MUL1: variants seen among roughly 807,000 people sequenced by gnomAD.
MUL1 encodes mitochondrial E3 ubiquitin protein ligase 1.
A neutral mutation model predicts 34.1 loss-of-function variants in MUL1; 30 were observed. The ratio of observed to expected loss-of-function variants is 0.88; its 90% CI spans 0.66 to 1.19. The LOEUF (loss-of-function observed/expected upper bound fraction) is 1.19. Among genes scored for constraint, MUL1 ranks in the 50% most tolerant of loss-of-function variants. The pLI is 0.00. For synonymous variants in MUL1, 191 were observed against 187.8 expected (o/e 1.02, Z -0.14); for missense variants, 419 against 450.5 (o/e 0.93, Z 0.63).
rs1355658871 is a variant in MUL1, at chr1:20,500,722, T to C, written c.1027A>G (p.Ile343Val). 5.0e-6 allele frequency: 8 copies of C among 1,598,332 alleles called. No homozygotes were observed. Among genetic ancestry groups the C allele is most frequent in the Non-Finnish European group, 6.8e-6 (8 of 1,171,454 alleles). Residue 343 changes from isoleucine (I) to valine (V), a missense_variant, in exon 4 of 4, where the codon ATC becomes GTC. By Grantham distance (29) the Ile-to-Val change is conservative. Transcript: ENST00000264198. Reference sequence around the variant, plus strand: ...TTGTACAGGGGTATCACCCGGGTGATCGCCTGTCTGCAGATAGGGCACTTC... The same window carrying C: ...TTGTACAGGGGTATCACCCGGGTGACCGCCTGTCTGCAGATAGGGCACTTC... The part of the protein sequence containing the change: ...PKKCPICRQA[I>V]TRVIPLYNS
chr1:20,499,597 G>A lies in MUL1; in HGVS notation c.*1093C>T, dbSNP rs1243745980. The A allele has an allele frequency of 6.6e-6, 1 of 152,234 alleles. No homozygotes were observed. The highest frequency in any genetic ancestry group is 1.5e-5 in the Non-Finnish European group (1 of 68,056). The allele number at this position is 152,234 out of a possible 1,614,324, so 9.4% of individuals were successfully genotyped here. On this transcript the variant is annotated 3_prime_UTR_variant, in exon 4 of 4. Coordinates refer to ENST00000264198, the MANE Select transcript of MUL1 (RefSeq NM_024544.3). Reference sequence around the variant, plus strand: ...AAAAGGGCAATAAAAAAAGAGCTGTGTATGTGACCTCCAACTACTCAGAGG... The same window carrying A: ...AAAAGGGCAATAAAAAAAGAGCTGTATATGTGACCTCCAACTACTCAGAGG...
rs373405347 is a variant in MUL1 at position 20,501,686 on chromosome 1, T to C, written c.330-267A>G. On this transcript the variant is annotated intron_variant, in intron 3 of 3. Transcript: ENST00000264198. The surrounding 1 kb of genome is among the most constrained non-coding windows in gnomAD (Gnocchi z 4.2). ...CTAAAACAAAACTCACTAGGACCAG[T>C]TGGAAAACTGATATTTCATATGATG... Among the ~76,000 whole-genome samples, 9 of 152,276 alleles carry C rather than the reference T, an allele frequency of 5.9e-5. No homozygotes were observed. Among genetic ancestry groups the C allele is most frequent in the African/African-American group, 2.2e-4 (9 of 41,580 alleles).
Position 20,507,995 on chromosome 1 carries a change from G to C in MUL1, c.30C>G (p.Cys10Trp). 1 of 1,588,626 alleles carries C rather than the reference G, an allele frequency of 6.3e-7. No homozygotes were observed. The highest frequency in any genetic ancestry group is 8.6e-7 in the Non-Finnish European group (1 of 1,168,920). MESGGRPSL[C>W]QFILLGTTSV... ...AGGTGGTGCCCAGGAGGATGAACTG[G>C]CACAGCGAGGGCCGCCCTCCGCTCT... is the stretch of plus-strand genomic sequence containing the variant. The change falls in exon 1 of 4, where the codon TGC (cysteine) becomes TGG (tryptophan). Residue 10 changes from cysteine to tryptophan, a missense_variant. Transcript: ENST00000264198.
At chr1:20,507,779 A>C in intron 1 of MUL1, 126 bp downstream of exon 1, 2 of 1,359,606 alleles carry the variant, frequency 1.5e-6, no homozygotes, top group Non-Finnish European at 2.0e-6. Flanking sequence ...GCTGGATGAC[A>C]CCCTTCAGAG....
Position 20,503,315 on chromosome 1 carries a change from TAAAA to T in MUL1, c.121-10_121-7del. On this transcript the variant is annotated splice_region_variant and splice_polypyrimidine_tract_variant and intron_variant, in intron 1 of 3. Coordinates refer to ENST00000264198, the MANE Select transcript of MUL1 (RefSeq NM_024544.3). ...AAATGAACTTTTTTAGCTCCCTAAATAAAAAAAAAAAATTAAATTAATTGGCCAT... is the reference window on the plus strand; with the variant it reads ...AAATGAACTTTTTTAGCTCCCTAAATAAAAAAAATTAAATTAATTGGCCAT... 7.7e-7 allele frequency: 1 copy of T among 1,296,818 alleles called. No individual in the cohort carries two copies. The highest frequency in any genetic ancestry group is 1.0e-6 in the Non-Finnish European group (1 of 965,238). The allele number at this position is 1,296,818 out of a possible 1,614,324, so 80.3% of individuals were successfully genotyped here. A position where few individuals can be genotyped will look rare whatever the true frequency, so the allele number is the denominator to read the frequency against.
At position 20,501,494 on chromosome 1, in the gene MUL1, T is replaced by A; in HGVS notation, c.330-75A>T. The A allele has an allele frequency of 6.7e-7, 1 of 1,493,620 alleles. No homozygotes were observed. The highest frequency in any genetic ancestry group is 9.1e-7 in the Non-Finnish European group (1 of 1,104,046). 92.5% of individuals were successfully genotyped at this position (1,493,620 alleles called of 1,614,324 possible). A position where few individuals can be genotyped will look rare whatever the true frequency, so the allele number is the denominator to read the frequency against. On this transcript the variant is annotated intron_variant, in intron 3 of 3. Coordinates refer to ENST00000264198, the MANE Select transcript of MUL1 (RefSeq NM_024544.3). The surrounding 1 kb of genome is among the most constrained non-coding windows in gnomAD (Gnocchi z 4.2). ...CAGGCAGAACTGGAGATCAACTAAATGTGGAGGACAGCATATGGTCTGAAG... is the reference window on the plus strand; with the variant it reads ...CAGGCAGAACTGGAGATCAACTAAAAGTGGAGGACAGCATATGGTCTGAAG...
In MUL1 at chr1:20,500,382, G is replaced by A. The variant is rs1053281097; in HGVS notation, c.*308C>T. The A allele has an allele frequency of 1.2e-5, 3 of 240,798 alleles. No homozygotes were observed. The highest frequency in any genetic ancestry group is 6.7e-5 in the African/African-American group (3 of 44,892). 14.9% of individuals were successfully genotyped at this position (240,798 alleles called of 1,614,324 possible). A position where few individuals can be genotyped will look rare whatever the true frequency, so the allele number is the denominator to read the frequency against. On this transcript the variant is annotated 3_prime_UTR_variant, in exon 4 of 4. Transcript: ENST00000264198. ...AGAAGAGCTGCTGATCACTGGCTTTGGTGCTTAAGTGATGAGGCATTTTCA... is the reference window on the plus strand; with the variant it reads ...AGAAGAGCTGCTGATCACTGGCTTTAGTGCTTAAGTGATGAGGCATTTTCA...
chr1:20,507,308 T>C (rs1259049647), intron 1 of MUL1, among the ~76,000 whole-genome samples: 1 of 152,202 alleles, frequency 6.6e-6, no homozygotes, highest in Non-Finnish European at 1.5e-5. Flanking sequence ...ATAGTTGTAA[T>C]ATAAAAAGGA....
rs2051663310 is a variant in MUL1 at position 20,501,858 on chromosome 1, A to G, written c.329+211T>C. Among the ~76,000 whole-genome samples, 1 of 152,214 alleles carries G rather than the reference A, an allele frequency of 6.6e-6. No individual in the cohort carries two copies. Among genetic ancestry groups the G allele is most frequent in the Admixed American group, 6.5e-5 (1 of 15,286 alleles). On this transcript the variant is annotated intron_variant, in intron 3 of 3. Coordinates refer to ENST00000264198, the MANE Select transcript of MUL1 (RefSeq NM_024544.3). This position sits in a 1 kb window ranked among gnomAD's most constrained non-coding sequence, Gnocchi z 4.2. ...ACTGACTTATCCACTTCAGGGACTG[A>G]AGGGAGCTCAGAAATCTGCATTTCA...
In MUL1 at chr1:20,502,158, G is replaced by A. The variant is rs761111666; in HGVS notation, c.240C>T (p.Asn80=). The change falls in exon 3 of 4, where the codon AAC becomes AAT. Residue 80 remains asparagine, a synonymous_variant. Transcript: ENST00000264198. ...CCTTGCAGTTTTCCACAAACTGGCT[G>A]TTAAGCGTTTCTTTAACAGACCGCA... ...GAVRSVKETL[N]SQFVENCKGV... is the part of the protein sequence containing the mutation. 1.9e-6 allele frequency: 3 copies of A among 1,614,130 alleles called. No individual in the cohort carries two copies. The highest frequency in any genetic ancestry group is 2.5e-6 in the Non-Finnish European group (3 of 1,180,028).
intron 1 of MUL1, among the ~76,000 whole-genome samples, chr1:20,505,503 G>A (rs1407689328): frequency 2.7e-5 from 4 of 150,632 alleles, no homozygotes; most frequent in African/African-American, 4.9e-5. Flanking sequence ...GACTGGCATG[G>A]GCCTGGGAGC....
intron 2 of MUL1, among the ~76,000 whole-genome samples, chr1:20,503,016 T>C (rs929231467): frequency 1.3e-5 from 2 of 152,148 alleles, no homozygotes; most frequent in African/African-American, 4.8e-5. Flanking sequence ...AAGGTAAGTA[T>C]TATTTTCGAG....
chr1:20,502,470 G>A (rs1401012631), intron 2 of MUL1, among the ~76,000 whole-genome samples: 1 of 152,166 alleles, frequency 6.6e-6, no homozygotes, highest in Non-Finnish European at 1.5e-5. Flanking sequence ...AATCACTTGA[G>A]CTCAGGAGTT....
At chr1:20,503,396 C>A (rs1469838876) in intron 1 of MUL1, 87 bp from the exon 2 acceptor site, 1 of 759,770 alleles carries the variant, frequency 1.3e-6, no homozygotes, top group Non-Finnish European at 2.1e-6. Flanking sequence ...GAAAAAGATT[C>A]TATTTTTTTC....
rs769788193 is a variant in MUL1 at position 20,502,104 on chromosome 1, C to G, written c.294G>C (p.Glu98Asp). Residue 98 changes from glutamate (E) to aspartate (D), a missense_variant, in exon 3 of 4, where the codon GAG becomes GAC. Glu to Asp is a conservative substitution (Grantham distance 45). Transcript: ENST00000264198. ...TGGTTCGATTCCACACCATCTTGTG[C>G]TCCTGAAGTGTCAGCCGCTGAATTA... ...KGVIQRLTLQ[E>D]HKMVWNRTTH... 5 of 1,614,058 alleles carry G rather than the reference C, an allele frequency of 3.1e-6. No homozygotes were observed. Among genetic ancestry groups the G allele is most frequent in the Non-Finnish European group, 4.2e-6 (5 of 1,180,028 alleles).
rs2051660074 is a variant in MUL1 at position 20,501,475 on chromosome 1, G to A, written c.330-56C>T. 1 of 1,548,680 alleles carries A rather than the reference G, an allele frequency of 6.5e-7. No individual in the cohort carries two copies. The highest frequency in any genetic ancestry group is 1.2e-5 in the South Asian group (1 of 82,914). On this transcript the variant is annotated intron_variant, in intron 3 of 3. Transcript: ENST00000264198. This position sits in a 1 kb window ranked among gnomAD's most constrained non-coding sequence, Gnocchi z 4.2. ...GTAGCAAACAGCAAACACCCAGGCA[G>A]AACTGGAGATCAACTAAATGTGGAG...
chr1:20,506,879 A>G (rs1570337077), intron 1 of MUL1, among the ~76,000 whole-genome samples: 1 of 144,574 alleles, frequency 6.9e-6, no homozygotes. Context: ...AAAAGAAAAG[A>G]AAAGGAGAGG....
At chr1:20,502,370 G>A (rs1417970251) in intron 2 of MUL1, among the ~76,000 whole-genome samples, 181 bp from the exon 3 acceptor site, 1 of 152,196 alleles carries the variant, frequency 6.6e-6, no homozygotes, top group East Asian at 1.9e-4. Flanking sequence ...TTAACACAGT[G>A]AGATTCCATC....
In MUL1 at chr1:20,499,601, G is replaced by C. The variant is rs575522417; in HGVS notation, c.*1089C>G. 3 of 152,326 alleles carry C rather than the reference G, an allele frequency of 2.0e-5. 1 individual carries two copies. In the South Asian group the frequency reaches 6.2e-4, roughly 32 times the overall value. The allele number at this position is 152,326 out of a possible 1,614,324, so 9.4% of individuals were successfully genotyped here. A position where few individuals can be genotyped will look rare whatever the true frequency, so the allele number is the denominator to read the frequency against. ...GGGCAATAAAAAAAGAGCTGTGTAT[G>C]TGACCTCCAACTACTCAGAGGTGGG... is the stretch of plus-strand genomic sequence containing the variant. On this transcript the variant is annotated 3_prime_UTR_variant, in exon 4 of 4. Coordinates refer to ENST00000264198, the MANE Select transcript of MUL1 (RefSeq NM_024544.3).
Sources: allele counts gnomAD v4.1 joint callset (sites outside exome capture counted in the v4.1 genomes callset), GRCh38; gene constraint gnomAD v4.1.1; non-coding constraint Gnocchi (gnomAD v3.1); transcripts MANE v1.5; gene names NCBI Gene and HGNC (gene_info 2026-07-23, HGNC 2026-07-21).